Variants in CSMD1 observed in about 807,000 individuals in gnomAD.
CSMD1 encodes CUB and Sushi multiple domains 1.
CSMD1 carries 213 observed loss-of-function variants against 417.5 expected under a neutral mutation model. The observed-to-expected ratio is 0.51, with a 90% confidence interval of 0.46 to 0.57. The LOEUF is 0.57. CSMD1 is among the 20% of genes least tolerant of loss of function. The pLI is 0.00. For missense variants in CSMD1, 6,923 were observed against 4,529.7 expected, an observed-to-expected ratio of 1.53 and a Z score of -15.17; for synonymous variants, 2,862 against 1,736.8, an observed-to-expected ratio of 1.65 and a Z score of -16.11.
intron 2 of CSMD1, among the ~76,000 whole-genome samples, chr8:4,623,861 ACCGGGG>A (rs1211083892): frequency 1.3e-5 from 2 of 152,088 alleles, no homozygotes; most frequent in African/African-American, 4.8e-5. Context: ...AGGATGGATG[ACCGGGG>A]TCACAAGAAA....
chr8:4,951,368 T>A (rs939292086), intron 1 of CSMD1, among the ~76,000 whole-genome samples: 1 of 151,900 alleles, frequency 6.6e-6, no homozygotes, highest in Non-Finnish European at 1.5e-5. Flanking sequence ...AATTGCTAAT[T>A]ATTCTAGCCA....
chr8:4,901,360 A>T (rs982336962), intron 1 of CSMD1, among the ~76,000 whole-genome samples: 21 of 152,224 alleles, frequency 1.4e-4, no homozygotes, highest in African/African-American at 5.1e-4. Context: ...AAGTGTAGTT[A>T]TCTATAGAAG....
intron 9 of CSMD1, among the ~76,000 whole-genome samples, chr8:3,584,708 A>C (rs1227854344): frequency 6.6e-6 from 1 of 152,266 alleles, no homozygotes; most frequent in Non-Finnish European, 1.5e-5. Flanking sequence ...AAAAGAATGC[A>C]CATTTACTAT....
At chr8:4,576,464 C>A (rs146493093) in intron 2 of CSMD1, among the ~76,000 whole-genome samples, 110 of 152,266 alleles carry the variant, frequency 7.2e-4, no homozygotes, top group African/African-American at 2.6e-3. Flanking sequence ...CTTCGTTTGG[C>A]TGGAAGGTAT....
chr8:3,710,423 T>C (rs1322933890), intron 6 of CSMD1, among the ~76,000 whole-genome samples: 1 of 152,066 alleles, frequency 6.6e-6, no homozygotes, highest in East Asian at 1.9e-4. Flanking sequence ...CAATGCACCA[T>C]CTTTAGTATG....
chr8:3,090,548 G>T (rs932586278), intron 48 of CSMD1, among the ~76,000 whole-genome samples: 1 of 152,068 alleles, frequency 6.6e-6, no homozygotes, highest in Non-Finnish European at 1.5e-5. Flanking sequence ...CAACCAGAGT[G>T]AGCTAAAACC....
chr8:3,140,104 A>T (rs932658309), intron 41 of CSMD1, among the ~76,000 whole-genome samples: 2 of 152,080 alleles, frequency 1.3e-5, no homozygotes, highest in Non-Finnish European at 1.5e-5. Flanking sequence ...TGGTTTCACC[A>T]TATCGGCCAG....
intron 2 of CSMD1, among the ~76,000 whole-genome samples, chr8:4,594,664 C>G (rs1008238957): frequency 1.3e-5 from 2 of 152,202 alleles, no homozygotes; most frequent in African/African-American, 4.8e-5. Context: ...ACATTTTACT[C>G]TGCTGCCCAT....
chr8:4,919,390 T>A (rs976028615), intron 1 of CSMD1, among the ~76,000 whole-genome samples: 2 of 152,180 alleles, frequency 1.3e-5, no homozygotes, highest in Non-Finnish European at 2.9e-5. Flanking sequence ...CTAATAAATT[T>A]TATTCATTAG....
intron 3 of CSMD1, among the ~76,000 whole-genome samples, chr8:4,183,909 G>C (rs1798519364): frequency 6.6e-6 from 1 of 152,062 alleles, no homozygotes; most frequent in Non-Finnish European, 1.5e-5. Flanking sequence ...CCACAGCTTG[G>C]GGCAGCTACC....
intron 1 of CSMD1, among the ~76,000 whole-genome samples, chr8:4,701,100 T>G (rs753742520): frequency 1.3e-5 from 2 of 152,028 alleles, no homozygotes; most frequent in Non-Finnish European, 1.5e-5. Context: ...AGAGTTAGGA[T>G]GAAAGGTGAA....
intron 26 of CSMD1, among the ~76,000 whole-genome samples, chr8:3,244,367 A>G (rs533274738): frequency 1.3e-4 from 20 of 152,152 alleles, no homozygotes; most frequent in Non-Finnish European, 1.5e-5. Context: ...ATGCAAACCT[A>G]GGACGTGTCC....
intron 5 of CSMD1, among the ~76,000 whole-genome samples, chr8:3,784,166 A>G (rs986972863): frequency 1.3e-5 from 2 of 152,236 alleles, no homozygotes; most frequent in African/African-American, 4.8e-5. Context: ...TACATATAGT[A>G]GACATGTAAG....
intron 5 of CSMD1, among the ~76,000 whole-genome samples, chr8:3,953,975 C>T (rs1043650887): frequency 1.3e-5 from 2 of 152,166 alleles, no homozygotes; most frequent in Admixed American, 6.5e-5. Flanking sequence ...GCACAGGAGC[C>T]CTTCCTTCCT....
chr8:3,577,195 G>T (rs1484764315), intron 9 of CSMD1, among the ~76,000 whole-genome samples: 1 of 152,050 alleles, frequency 6.6e-6, no homozygotes, highest in East Asian at 1.9e-4. Flanking sequence ...CCCTCACTTG[G>T]CTTATGAAAA....
intron 3 of CSMD1, among the ~76,000 whole-genome samples, chr8:4,311,881 A>G (rs1798602677): frequency 6.6e-6 from 1 of 152,084 alleles, no homozygotes; most frequent in Non-Finnish European, 1.5e-5. Flanking sequence ...TACCTGGGTG[A>G]TCAAATAATA....
intron 2 of CSMD1, among the ~76,000 whole-genome samples, chr8:4,568,263 G>A (rs1311720965): frequency 2.0e-5 from 3 of 152,008 alleles, no homozygotes. Context: ...TTCCCCTAAT[G>A]CTATGCTATC....
At chr8:3,865,005 G>C (rs976707715) in intron 5 of CSMD1, among the ~76,000 whole-genome samples, 1 of 152,152 alleles carries the variant, frequency 6.6e-6, no homozygotes, top group East Asian at 1.9e-4. Context: ...GTCTGGTTGA[G>C]GTGCTAGCTA....
intron 26 of CSMD1, among the ~76,000 whole-genome samples, chr8:3,259,913 T>G (rs1286019732): frequency 6.6e-6 from 1 of 152,142 alleles, no homozygotes; most frequent in South Asian, 2.1e-4. Flanking sequence ...CTCTGACCAC[T>G]CATACATGCG....
Sources: allele counts gnomAD v4.1 joint callset (sites outside exome capture counted in the v4.1 genomes callset), GRCh38; gene constraint gnomAD v4.1.1; transcripts MANE v1.5; gene names NCBI Gene and HGNC (gene_info 2026-07-23, HGNC 2026-07-21).